The following OR7C1 variants were observed in gnomAD, a reference collection of about 807,000 sequenced individuals.
OR7C1 encodes the protein olfactory receptor family 7 subfamily C member 1, also known as olfactory receptor 7C1.
For synonymous variants in OR7C1, 152 were observed against 160.7 expected (o/e 0.95, Z 0.41); for missense variants, 324 against 383.3 (o/e 0.85, Z 1.29).
At chr19:14,835,027 T>G (rs1028530915) in intron 1 of OR7C1, 47 bp downstream of exon 1, 1 of 152,222 alleles carries the variant, frequency 6.6e-6, no homozygotes, top group Admixed American at 6.5e-5. Context: ...TCTGCATCTA[T>G]TCCATCTATT....
At chr19:14,811,121 A>C (rs1255845037) in intron 1 of OR7C1, among the ~76,000 whole-genome samples, 2 of 151,904 alleles carry the variant, frequency 1.3e-5, no homozygotes, top group African/African-American at 4.9e-5. Context: ...AGGTGTATGC[A>C]ATACTGACAC....
At chr19:14,806,643 T>C (rs2044667640) in intron 2 of OR7C1, among the ~76,000 whole-genome samples, 1 of 152,016 alleles carries the variant, frequency 6.6e-6, no homozygotes, top group South Asian at 2.1e-4. Context: ...TGTTTGGTTT[T>C]CCATTCCTGT....
exon 5 of OR7C1, chr19:14,800,097 G>A: frequency 6.3e-7 from 1 of 1,596,920 alleles, no homozygotes; most frequent in African/African-American, 1.3e-5. Flanking sequence ...AATCCCAGGA[G>A]GAGAAATTCT....
intron 1 of OR7C1, among the ~76,000 whole-genome samples, chr19:14,821,024 T>C (rs1230507275): frequency 6.6e-6 from 1 of 151,736 alleles, no homozygotes; most frequent in East Asian, 1.9e-4. Flanking sequence ...GAGGCTGAGG[T>C]GGGTGGATCA....
chr19:14,827,712 A>G, intron 1 of OR7C1: 1 of 1,614,158 alleles, frequency 6.2e-7, no homozygotes, highest in Non-Finnish European at 8.5e-7. Flanking sequence ...TTCACAGAAA[A>G]AGTGGGGGAT....
chr19:14,832,429 C>A (rs868279195), intron 1 of OR7C1, among the ~76,000 whole-genome samples: 14 of 95,662 alleles, frequency 1.5e-4, no homozygotes, highest in Non-Finnish European at 2.5e-4. Context: ...TTTCTTTTTT[C>A]TTTTCTTTTT....
chr19:14,815,511 G>T (rs531561989), intron 1 of OR7C1, among the ~76,000 whole-genome samples: 1 of 152,246 alleles, frequency 6.6e-6, no homozygotes, highest in East Asian at 1.9e-4. Flanking sequence ...TGTCTCTCTG[G>T]TATTGGCTAG....
At position 14,808,925 on chromosome 19, in the gene OR7C1, C is replaced by A. The variant is rs8108557; in HGVS notation, c.-435+881G>T. On this transcript the variant is annotated intron_variant, in intron 2 of 4. Transcript: ENST00000641666. ...TTTTGATTACTTCTGTAATTATGCA[C>A]CTCGTTGTATGCCCCCCTTTTTTTA... Among the ~76,000 whole-genome samples, 5 of 151,960 alleles carry A rather than the reference C, an allele frequency of 3.3e-5. No homozygotes were observed. The East Asian group carries it at 9.6e-4, about 29-fold the overall frequency.
At chr19:14,807,979 CA>C (rs2044673448) in intron 2 of OR7C1, among the ~76,000 whole-genome samples, 1 of 146,488 alleles carries the variant, frequency 6.8e-6, no homozygotes, top group Non-Finnish European at 1.5e-5. Context: ...TCCTCACCAA[CA>C]TATTTTTTTA....
chr19:14,830,455 T>C (rs908426379), intron 1 of OR7C1, among the ~76,000 whole-genome samples: 2 of 151,630 alleles, frequency 1.3e-5, no homozygotes, highest in Admixed American at 6.6e-5. Context: ...AGGAACTGAC[T>C]CCAAGGAGAC....
intron 2 of OR7C1, among the ~76,000 whole-genome samples, 176 bp from the exon 3 acceptor site, chr19:14,800,940 G>A (rs917671927): frequency 1.3e-5 from 2 of 152,104 alleles, no homozygotes; most frequent in African/African-American, 2.4e-5. Flanking sequence ...CTTTCCTCTC[G>A]GAGACCCTTT....
At chr19:14,830,849 T>C (rs2044824877) in intron 1 of OR7C1, among the ~76,000 whole-genome samples, 1 of 152,156 alleles carries the variant, frequency 6.6e-6, no homozygotes, top group African/African-American at 2.4e-5. Context: ...CGTGTGCCAA[T>C]GACTCACAAT....
chr19:14,820,496 CA>C (rs574981943), intron 1 of OR7C1, among the ~76,000 whole-genome samples: 9 of 151,890 alleles, frequency 5.9e-5, no homozygotes, highest in Non-Finnish European at 1.3e-4. Context: ...AGCAAACCAC[CA>C]TGGCACATGT....
In OR7C1 at chr19:14,799,361, T is replaced by C. The variant is rs151122314; in HGVS notation, c.776A>G (p.Tyr259Cys). Residue 259 changes from tyrosine to cysteine, a missense_variant, in exon 5 of 5, where the codon TAT (tyrosine) becomes TGT (cysteine). Physicochemically the swap from Tyr to Cys is radical, Grantham distance 194. Transcript: ENST00000641666. Reference sequence around the variant, plus strand: ...AGATGGTGTGGCTGCAGAACTGAGATAGACCCCAAAGCCCGTGCCATAGAA... The same window carrying C: ...AGATGGTGTGGCTGCAGAACTGAGACAGACCCCAAAGCCCGTGCCATAGAA... 5.6e-6 allele frequency: 9 copies of C among 1,613,946 alleles called. No homozygotes were observed. In the African/African-American group the frequency reaches 6.7e-5, roughly 12 times the overall value.
At chr19:14,805,174 C>T (rs976284402) in intron 2 of OR7C1, among the ~76,000 whole-genome samples, 2 of 151,826 alleles carry the variant, frequency 1.3e-5, no homozygotes, top group African/African-American at 4.9e-5. Context: ...GCTTTGATCA[C>T]TACGCTGCAG....
chr19:14,799,082 A>G (rs1283852585), exon 5 of OR7C1: 15 of 1,453,174 alleles, frequency 1.0e-5, no homozygotes, highest in Non-Finnish European at 1.3e-5. Context: ...ACGATAAGAT[A>G]TGGTAATTCC....
intron 1 of OR7C1, among the ~76,000 whole-genome samples, chr19:14,815,031 GT>G (rs1012391228): frequency 6.6e-6 from 1 of 152,188 alleles, no homozygotes; most frequent in Non-Finnish European, 1.5e-5. Context: ...CTGCCAAATG[GT>G]TTTTATTTTT....
chr19:14,800,028 C>T, exon 5 of OR7C1: 3 of 1,614,026 alleles, frequency 1.9e-6, no homozygotes, highest in Non-Finnish European at 2.5e-6. Context: ...GTGAAAGTGA[C>T]TAGGTACATG....
intron 1 of OR7C1, among the ~76,000 whole-genome samples, chr19:14,831,367 T>C (rs894203395): frequency 2.0e-5 from 3 of 152,248 alleles, no homozygotes; most frequent in Admixed American, 6.5e-5. Context: ...TTGGTTTTTA[T>C]ATGAATTGAG....
Sources: allele counts gnomAD v4.1 joint callset (sites outside exome capture counted in the v4.1 genomes callset), GRCh38; gene constraint gnomAD v4.1.1; transcripts MANE v1.5; gene names NCBI Gene and HGNC (gene_info 2026-07-23, HGNC 2026-07-21).